Variants in CD302 observed in about 807,000 individuals in gnomAD.
CD302 encodes CD302 antigen.
CD302 carries 23 observed loss-of-function variants against 26.5 expected under a neutral mutation model. That is an observed-to-expected ratio of 0.87 (90% CI 0.62 to 1.23). The LOEUF (loss-of-function observed/expected upper bound fraction) is 1.23. CD302 is among the 50% of genes most tolerant of loss of function. CD302 has a pLI of 0.00. For missense variants in CD302, 290 were observed against 275.5 expected, an observed-to-expected ratio of 1.05 and a Z score of -0.37; for synonymous variants, 90 against 99.4, an observed-to-expected ratio of 0.91 and a Z score of 0.56.
intron 4 of CD302, among the ~76,000 whole-genome samples, chr2:159,779,408 TCAC>T (rs1708440652): frequency 6.6e-6 from 1 of 152,094 alleles, no homozygotes; most frequent in East Asian, 1.9e-4. Flanking sequence ...TGATTACTCT[TCAC>T]CACTTCTGCT....
chr2:159,789,939 C>A (rs915732525), intron 1 of CD302, among the ~76,000 whole-genome samples: 1 of 151,952 alleles, frequency 6.6e-6, no homozygotes, highest in Non-Finnish European at 1.5e-5. Context: ...CTCTCTGATG[C>A]CAGCAAATAC....
rs917975939 is a variant in CD302 at position 159,770,310 on chromosome 2, G to A, written c.*1541C>T. On this transcript the variant is annotated 3_prime_UTR_variant, in exon 6 of 6. Transcript: ENST00000259053. Reference sequence around the variant, plus strand: ...GCTCTTACAGAGCATGCTTGTGCTTGTGTAACAGCTGGTGTAATGCCTGCA... The same window carrying A: ...GCTCTTACAGAGCATGCTTGTGCTTATGTAACAGCTGGTGTAATGCCTGCA... 6.6e-6 allele frequency: 1 copy of A among 152,172 alleles called. No individual in the cohort carries two copies. The highest frequency in any genetic ancestry group is 1.5e-5 in the Non-Finnish European group (1 of 68,032). 9.4% of individuals were successfully genotyped at this position (152,172 alleles called of 1,614,324 possible).
chr2:159,791,634 A>G (rs1239335329), intron 1 of CD302, among the ~76,000 whole-genome samples: 2 of 152,248 alleles, frequency 1.3e-5, no homozygotes, highest in African/African-American at 4.8e-5. Flanking sequence ...TGTCTTGAAC[A>G]TAACACTGGA....
At chr2:159,796,877 C>T (rs1403838627) in intron 1 of CD302, among the ~76,000 whole-genome samples, 1 of 152,140 alleles carries the variant, frequency 6.6e-6, no homozygotes, top group Non-Finnish European at 1.5e-5. Context: ...CACAGCCTCG[C>T]AGAGGGTGGT....
intron 1 of CD302, among the ~76,000 whole-genome samples, chr2:159,784,036 A>G (rs1553794069): frequency 6.6e-6 from 1 of 152,232 alleles, no homozygotes; most frequent in Non-Finnish European, 1.5e-5. Flanking sequence ...GTTCAATGAA[A>G]TAGAACCATA....
chr2:159,783,440 G>A lies in CD302; in HGVS notation c.97C>T (p.Gln33Ter), dbSNP rs1470296187. Residue 33 changes from glutamine to a stop codon, truncating the protein, a stop_gained, in exon 2 of 6, where the codon CAA becomes TAA. Coordinates refer to ENST00000259053, the MANE Select transcript of CD302 (RefSeq NM_014880.5). LOFTEE classifies it high-confidence loss of function. ...TGGAGAAAAATGTAACAACTGTCTTGGAACTGAATCCAAGTAGATGAAGGA... is the reference window on the plus strand; with the variant it reads ...TGGAGAAAAATGTAACAACTGTCTTAGAACTGAATCCAAGTAGATGAAGGA... ...DCPSSTWIQFQDSCYIFLQEA... is the reference protein window; with the variant it reads ...DCPSSTWIQF 1.2e-6 allele frequency: 2 copies of A among 1,610,974 alleles called. No individual in the cohort carries two copies. The highest frequency in any genetic ancestry group is 1.7e-4 in the Middle Eastern group (1 of 6,054).
chr2:159,785,332 A>T (rs972997817), intron 1 of CD302, among the ~76,000 whole-genome samples: 3 of 152,118 alleles, frequency 2.0e-5, no homozygotes, highest in African/African-American at 7.2e-5. Context: ...GAGCACTTGA[A>T]TTACACATAT....
intron 1 of CD302, among the ~76,000 whole-genome samples, chr2:159,786,482 C>T (rs537919256): frequency 2.0e-5 from 3 of 152,038 alleles, no homozygotes; most frequent in African/African-American, 7.2e-5. Context: ...TACAGGCTCC[C>T]GCCACCACAC....
At chr2:159,794,406 C>G (rs943069100) in intron 1 of CD302, among the ~76,000 whole-genome samples, 5 of 150,276 alleles carry the variant, frequency 3.3e-5, no homozygotes, top group Admixed American at 3.3e-4. Context: ...GTTTTCAACA[C>G]ATAAGCAAAT....
Position 159,772,095 on chromosome 2 carries a change from A to G in CD302, c.497-42T>C, listed in dbSNP as rs750065667. ...AAAAGAGTATTTGGGAAATTAGGGT[A>G]CACAAGTTGCAAGTATATTTTGATG... On this transcript the variant is annotated intron_variant, in intron 5 of 5. Transcript: ENST00000259053. 7 of 1,592,388 alleles carry G rather than the reference A, an allele frequency of 4.4e-6. No homozygotes were observed. The African/African-American group carries it at 6.7e-5, about 15-fold the overall frequency.
chr2:159,783,242 C>T (rs1708570074), intron 2 of CD302, 117 bp downstream of exon 2: 1 of 745,922 alleles, frequency 1.3e-6, no homozygotes, highest in South Asian at 2.3e-5. Context: ...AAAAGTTGTA[C>T]ATTAAATCTC....
chr2:159,796,520 T>C (rs1331367215), intron 1 of CD302, among the ~76,000 whole-genome samples: 4 of 152,194 alleles, frequency 2.6e-5, no homozygotes, highest in Non-Finnish European at 5.9e-5. Context: ...GAGTAAGTAT[T>C]ATCTCTGTTT....
At chr2:159,793,391 C>A (rs1262291842) in intron 1 of CD302, among the ~76,000 whole-genome samples, 1 of 151,688 alleles carries the variant, frequency 6.6e-6, no homozygotes. Flanking sequence ...TCTAATAGAA[C>A]TCTCTGTTCC....
chr2:159,793,655 A>T (rs1402668696), intron 1 of CD302, among the ~76,000 whole-genome samples: 1 of 152,190 alleles, frequency 6.6e-6, no homozygotes. Context: ...TTACATTTAT[A>T]ATGTATGGAG....
chr2:159,780,991 G>C lies in CD302; in HGVS notation c.186C>G (p.Asp62Glu). ...CTTCTTCATTATGTATGCTTATCAT[G>C]TCCGCTCCTGAAATTATTTTAAAGA... is the stretch of plus-strand genomic sequence containing the variant. ...VRNQCTDHGADMISIHNEEEN... is the reference protein window; with the variant it reads ...VRNQCTDHGAEMISIHNEEEN... Residue 62 changes from aspartate to glutamate, a missense_variant, in exon 3 of 6, where the codon GAC becomes GAG. Asp to Glu is a conservative substitution (Grantham distance 45). Coordinates refer to ENST00000259053, the MANE Select transcript of CD302 (RefSeq NM_014880.5). 2 of 1,603,184 alleles carry C rather than the reference G, an allele frequency of 1.2e-6. No individual in the cohort carries two copies. The highest frequency in any genetic ancestry group is 1.7e-6 in the Non-Finnish European group (2 of 1,177,526).
Position 159,780,090 on chromosome 2 carries a change from A to G in CD302, c.384T>C (p.Cys128=), listed in dbSNP as rs1453661292. The change falls in exon 4 of 6, where the codon TGT becomes TGC. Residue 128 remains cysteine, a synonymous_variant. Transcript: ENST00000259053. The stretch of plus-strand genomic sequence containing the variant: ...CACCTGTCTTGATGTGCAGAAAAGC[A>G]CAGGTGTCAACTAAATCCTCATCAT... ...QDDDEDLVDT[C]AFLHIKTGEW... 6.2e-7 allele frequency: 1 copy of G among 1,614,090 alleles called. No homozygotes were observed. Among genetic ancestry groups the G allele is most frequent in the Non-Finnish European group, 8.5e-7 (1 of 1,180,044 alleles).
chr2:159,784,652 G>A (rs958719582), intron 1 of CD302, among the ~76,000 whole-genome samples: 4 of 152,072 alleles, frequency 2.6e-5, no homozygotes, highest in African/African-American at 9.7e-5. Flanking sequence ...CACCACGCCA[G>A]GCCTAAGTTC....
chr2:159,778,484 T>C (rs1333598770), intron 4 of CD302, among the ~76,000 whole-genome samples: 1 of 152,214 alleles, frequency 6.6e-6, no homozygotes, highest in Non-Finnish European at 1.5e-5. Flanking sequence ...GACGAACATT[T>C]TGATAATCAC....
At chr2:159,782,370 G>A (rs1281105883) in intron 2 of CD302, among the ~76,000 whole-genome samples, 2 of 126,556 alleles carry the variant, frequency 1.6e-5, no homozygotes, top group Non-Finnish European at 3.1e-5. Context: ...CCGAGATCAC[G>A]CCACTGCACT....
Sources: allele counts gnomAD v4.1 joint callset (sites outside exome capture counted in the v4.1 genomes callset), GRCh38; gene constraint gnomAD v4.1.1; transcripts MANE v1.5; gene names NCBI Gene and HGNC (gene_info 2026-07-23, HGNC 2026-07-21).